The following SUGCT variants were observed in gnomAD, a reference collection of about 807,000 sequenced individuals.
SUGCT encodes the protein succinyl-CoA:glutarate CoA-transferase.
SUGCT carries 41 observed loss-of-function variants against 55.0 expected under a neutral mutation model. The observed-to-expected ratio is 0.74, with a 90% CI of 0.58 to 0.97. SUGCT has a LOEUF of 0.97. Ranked by LOEUF, SUGCT falls within the 50% of genes least tolerant of loss-of-function variation. The probability of loss-of-function intolerance (pLI) is 0.00; values close to 1 mark genes in which losing one functional copy is unlikely to be tolerated. For missense variants in SUGCT, 568 were observed against 547.8 expected (o/e 1.04, Z -0.37); for synonymous variants, 187 against 200.4 (o/e 0.93, Z 0.56).
chr7:40,309,265 A>G (rs1316569758), intron 8 of SUGCT, among the ~76,000 whole-genome samples: 1 of 151,672 alleles, frequency 6.6e-6, no homozygotes, highest in East Asian at 1.9e-4. Context: ...CAGTATCTAG[A>G]GCAATTCCTG....
chr7:40,520,474 G>C (rs995340304), intron 12 of SUGCT, among the ~76,000 whole-genome samples: 2 of 152,028 alleles, frequency 1.3e-5, no homozygotes, highest in Admixed American at 1.3e-4. Flanking sequence ...TTAACATCAA[G>C]AGAAATAATG....
chr7:40,395,098 C>A (rs975274722), intron 9 of SUGCT, among the ~76,000 whole-genome samples: 1 of 152,094 alleles, frequency 6.6e-6, no homozygotes, highest in Non-Finnish European at 1.5e-5. Flanking sequence ...ATCTCATAGG[C>A]CAGGTAGGCA....
chr7:40,282,111 A>G (rs1412037118), intron 8 of SUGCT, among the ~76,000 whole-genome samples: 1 of 151,970 alleles, frequency 6.6e-6, no homozygotes, highest in East Asian at 1.9e-4. Flanking sequence ...ATCCAGTTTT[A>G]CCAATACAAT....
chr7:40,802,113 G>C (rs1790850824), intron 13 of SUGCT, among the ~76,000 whole-genome samples: 2 of 152,052 alleles, frequency 1.3e-5, no homozygotes, highest in South Asian at 4.2e-4. Flanking sequence ...CTAAATAAGA[G>C]GAAACAGTGA....
the SUGCT span, among the ~76,000 whole-genome samples, chr7:40,928,065 T>C: frequency 6.6e-6 from 1 of 152,042 alleles, no homozygotes; most frequent in Non-Finnish European, 1.5e-5. Context: ...TATTTATTTT[T>C]TCCTAAAATT....
At chr7:40,273,057 C>G (rs1290736973) in intron 7 of SUGCT, among the ~76,000 whole-genome samples, 1 of 152,046 alleles carries the variant, frequency 6.6e-6, no homozygotes, top group Non-Finnish European at 1.5e-5. Flanking sequence ...TTGAACTTGT[C>G]TCTCACTTTT....
chr7:40,186,894 G>A (rs1226853717), intron 3 of SUGCT, among the ~76,000 whole-genome samples: 2 of 152,166 alleles, frequency 1.3e-5, no homozygotes, highest in African/African-American at 4.8e-5. Flanking sequence ...GTGTCAAAAG[G>A]TCATCTAAGA....
the SUGCT span, among the ~76,000 whole-genome samples, chr7:40,913,256 C>A: frequency 6.6e-6 from 1 of 152,070 alleles, no homozygotes; most frequent in Non-Finnish European, 1.5e-5. Context: ...ACACCATAAG[C>A]AGTGGGGCTC....
At chr7:40,971,501 A>G in the SUGCT span, among the ~76,000 whole-genome samples, 151 of 152,330 alleles carry the variant, frequency 9.9e-4, no homozygotes, top group African/African-American at 3.5e-3. Context: ...TGGAAGGGAT[A>G]AGCAGAAGAG....
chr7:40,226,881 C>T (rs1051337962), intron 6 of SUGCT, among the ~76,000 whole-genome samples: 3 of 151,492 alleles, frequency 2.0e-5, no homozygotes, highest in African/African-American at 7.3e-5. Flanking sequence ...GCACTCCAGC[C>T]TGGGCAACAA....
intron 9 of SUGCT, among the ~76,000 whole-genome samples, chr7:40,366,851 G>C (rs1784002634): frequency 6.6e-6 from 1 of 152,166 alleles, no homozygotes. Flanking sequence ...GTGGAAGTCA[G>C]TGTGGCGATT....
intron 6 of SUGCT, among the ~76,000 whole-genome samples, chr7:40,211,103 T>A (rs1187588202): frequency 6.6e-6 from 1 of 151,188 alleles, no homozygotes; most frequent in East Asian, 1.9e-4. Flanking sequence ...GTCTCTCGAG[T>A]AGCTGGTATT....
intron 11 of SUGCT, among the ~76,000 whole-genome samples, chr7:40,494,287 T>C (rs1791856222): frequency 6.6e-6 from 1 of 152,196 alleles, no homozygotes; most frequent in Non-Finnish European, 1.5e-5. Flanking sequence ...ACTTAAGTAA[T>C]TGACACCCTA....
chr7:40,224,427 TGTGCATGC>T (rs1296294550), intron 6 of SUGCT, among the ~76,000 whole-genome samples: 2 of 135,328 alleles, frequency 1.5e-5, no homozygotes, highest in Non-Finnish European at 3.1e-5. Flanking sequence ...TGTGTGTGTG[TGTGCATGC>T]ATGTGTATAA....
the SUGCT span, among the ~76,000 whole-genome samples, chr7:40,886,089 C>T: frequency 6.6e-6 from 1 of 152,082 alleles, no homozygotes. Flanking sequence ...AAACATGAGC[C>T]TCAAGGAATA....
In SUGCT at chr7:40,214,214, T is replaced by A. The variant is rs555976122; in HGVS notation, c.484+19154T>A. ...TAAAATTTTCTTATAACCGTTGCCC[T>A]GCCTTCCAGACTCTTCTGTCACTGA... On this transcript the variant is annotated intron_variant, in intron 6 of 13. Coordinates refer to ENST00000335693, the MANE Select transcript of SUGCT (RefSeq NM_001193313.2). 2.6e-5 allele frequency among the ~76,000 whole-genome samples: 4 copies of A among 152,308 alleles called. No individual in the cohort carries two copies. In the South Asian group the frequency reaches 8.3e-4, roughly 32 times the overall value.
At chr7:40,381,595 T>C (rs1784877264) in intron 9 of SUGCT, among the ~76,000 whole-genome samples, 2 of 151,152 alleles carry the variant, frequency 1.3e-5, no homozygotes, top group South Asian at 2.1e-4. Context: ...GTGAAAAGAG[T>C]TTTTCCTTGT....
At chr7:40,467,670 T>G (rs1790193982) in intron 11 of SUGCT, among the ~76,000 whole-genome samples, 1 of 152,200 alleles carries the variant, frequency 6.6e-6, no homozygotes, top group African/African-American at 2.4e-5. Context: ...TTCCAAGATT[T>G]TTTTTTCTGC....
intron 9 of SUGCT, among the ~76,000 whole-genome samples, chr7:40,366,063 G>C (rs1454986589): frequency 1.3e-5 from 2 of 152,168 alleles, no homozygotes; most frequent in African/African-American, 4.8e-5. Flanking sequence ...TACCAAAACA[G>C]AGATATAGAT....
Sources: gnomAD v4.1 joint callset for allele counts (sites outside exome capture counted in the v4.1 genomes callset) on GRCh38, gnomAD v4.1.1 for gene constraint, MANE v1.5 for transcripts, NCBI Gene and HGNC (gene_info 2026-07-23, HGNC 2026-07-21) for gene names.